Variants in CYP4V2 observed in about 807,000 individuals in gnomAD.
The protein encoded by CYP4V2 is cytochrome P450 4V2.
Under a neutral mutation model 60.8 loss-of-function variants are expected in CYP4V2, and 55 were observed. The observed-to-expected ratio is 0.90, with a 90% CI of 0.73 to 1.13. The LOEUF is 1.13. Ranked by LOEUF, CYP4V2 falls within the 50% of genes most tolerant of loss-of-function variation. The pLI is 0.00. For synonymous variants in CYP4V2, 239 were observed against 236.8 expected (o/e 1.01, Z -0.08); for missense variants, 675 against 662.9 (o/e 1.02, Z -0.20).
chr4:186,205,368 G>GTA, intron 8 of CYP4V2, 66 bp downstream of exon 8: 1 of 1,429,728 alleles, frequency 7.0e-7, no homozygotes, highest in Non-Finnish European at 9.9e-7. Flanking sequence ...TCACTGTGTT[G>GTA]TAAACACAGT....
At chr4:186,196,584 A>G (rs1736152351) in intron 3 of CYP4V2, 1 of 306,338 alleles carries the variant, frequency 3.3e-6, no homozygotes, top group African/African-American at 2.2e-5. Context: ...ATGGAGTGTG[A>G]GGATCATCTG....
At chr4:186,207,574 AAATAATT>A (rs1464516104) in intron 8 of CYP4V2, among the ~76,000 whole-genome samples, 13 of 124,582 alleles carry the variant, frequency 1.0e-4, no homozygotes, top group Non-Finnish European at 2.1e-4. Flanking sequence ...TAAAAATATT[AAATAATT>A]AATAATTAAT....
chr4:186,192,669 G>C (rs1368478000), intron 1 of CYP4V2, among the ~76,000 whole-genome samples: 1 of 152,192 alleles, frequency 6.6e-6, no homozygotes, highest in African/African-American at 2.4e-5. Context: ...TTTTAAAACA[G>C]AGATGGACAT....
In CYP4V2 at chr4:186,210,350, G is replaced by A. The variant is rs2102575; in HGVS notation, c.1406-119G>A. 1,152,554 of 1,291,716 alleles carry A rather than the reference G, an allele frequency of 0.89. 514,528 individuals carry two copies. The highest frequency in any genetic ancestry group is 0.94 in the East Asian group (40,687 of 43,250). 80.0% of individuals were successfully genotyped at this position (1,291,716 alleles called of 1,614,324 possible). On this transcript the variant is annotated intron_variant, in intron 10 of 10. Transcript: ENST00000378802. The stretch of plus-strand genomic sequence containing the variant: ...TTAACAGGTGTTCCAAGCCATTCTG[G>A]TTCTCCTTCCACCTACTGCGAAAAT...
rs1448121682 is a variant in CYP4V2, at chr4:186,197,192, A to G, written c.604+62A>G. 30 of 1,586,718 alleles carry G rather than the reference A, an allele frequency of 1.9e-5. No homozygotes were observed. The East Asian group carries it at 6.0e-4, about 32-fold the overall frequency. On this transcript the variant is annotated intron_variant, in intron 4 of 10. Transcript: ENST00000378802. The stretch of plus-strand genomic sequence containing the variant: ...AAAGAGAAAATGGCCCAAACAGGAA[A>G]TCACACTCCACCGGGAAGGCAAATG...
At chr4:186,209,294 T>G (rs2126601690) in intron 10 of CYP4V2, 22 bp downstream of exon 10, 3 of 1,613,876 alleles carry the variant, frequency 1.9e-6, no homozygotes, top group Middle Eastern at 3.3e-4. Flanking sequence ...TCTGAATTGG[T>G]TTGACCTTTC....
At chr4:186,197,889 GT>G (rs1281955191) in intron 5 of CYP4V2, among the ~76,000 whole-genome samples, 1 of 152,136 alleles carries the variant, frequency 6.6e-6, no homozygotes, top group East Asian at 1.9e-4. Context: ...GATATAAACA[GT>G]TTTCTGTACC....
chr4:186,202,086 A>T (rs1170059203), intron 7 of CYP4V2: 10 of 152,256 alleles, frequency 6.6e-5, no homozygotes, highest in Non-Finnish European at 1.3e-4. Flanking sequence ...GTGAGGCTCC[A>T]CGACACGGTA....
intron 7 of CYP4V2, chr4:186,203,100 ACT>A (rs1331523334): frequency 6.6e-6 from 1 of 152,120 alleles, no homozygotes; most frequent in African/African-American, 2.4e-5. Context: ...AGCTATGTAC[ACT>A]CGTGTACATA....
chr4:186,210,567 GA>G lies in CYP4V2; in HGVS notation c.1506del (p.Gly503AspfsTer3). 6.2e-7 allele frequency: 1 copy of G among 1,614,206 alleles called. No homozygotes were observed. Among genetic ancestry groups the G allele is most frequent in the Non-Finnish European group, 8.5e-7 (1 of 1,180,028 alleles). On this transcript the variant is annotated frameshift_variant, in exon 11 of 11. Transcript: ENST00000378802. LOFTEE classifies it high-confidence loss of function. ...CCAGAAAAGAGAAGAGCTTGGTCTAGAAGGACAGTTGATTCTTCGTCCAAGT... is the reference window on the plus strand; with the variant it reads ...CCAGAAAAGAGAAGAGCTTGGTCTAGAGGACAGTTGATTCTTCGTCCAAGT... ...SNQKREELGL[E>X]GQLILRPSNG...
intron 8 of CYP4V2, among the ~76,000 whole-genome samples, chr4:186,205,955 A>C (rs1439756628): frequency 1.3e-5 from 2 of 152,166 alleles, no homozygotes; most frequent in Non-Finnish European, 2.9e-5. Flanking sequence ...ATCCACAGAC[A>C]GGGAGGTTCA....
chr4:186,201,527 C>T (rs1422422514), intron 7 of CYP4V2, 185 bp downstream of exon 7: 1 of 653,502 alleles, frequency 1.5e-6, no homozygotes. Flanking sequence ...CTTCAGAAAA[C>T]GATTTTGACT....
chr4:186,206,375 T>C (rs1736507089), intron 8 of CYP4V2, among the ~76,000 whole-genome samples: 1 of 152,182 alleles, frequency 6.6e-6, no homozygotes, highest in African/African-American at 2.4e-5. Flanking sequence ...GGGTAACATT[T>C]ACAGATTGCA....
intron 4 of CYP4V2, 152 bp from the exon 5 acceptor site, chr4:186,197,381 G>A (rs370835824): frequency 3.8e-5 from 35 of 910,324 alleles, no homozygotes; most frequent in South Asian, 1.5e-4. Context: ...GAAGTGGACC[G>A]TACAAGAGAA....
At position 186,209,074 on chromosome 4, in the gene CYP4V2, A is replaced by G. The variant is rs752186664; in HGVS notation, c.1226-19A>G. The stretch of plus-strand genomic sequence containing the variant: ...CTACCTTGCTCCGGTCTCATAATGT[A>G]TTGACTACTTCTTGACAGCAGGTTA... On this transcript the variant is annotated intron_variant, in intron 9 of 10. Transcript: ENST00000378802. 1 of 1,614,104 alleles carries G rather than the reference A, an allele frequency of 6.2e-7. No homozygotes were observed. The highest frequency in any genetic ancestry group is 1.1e-5 in the South Asian group (1 of 91,076).
chr4:186,193,064 G>A (rs919389325), intron 1 of CYP4V2, among the ~76,000 whole-genome samples: 4 of 152,136 alleles, frequency 2.6e-5, no homozygotes, highest in African/African-American at 9.7e-5. Flanking sequence ...AAAAAATCAA[G>A]CGAACTCTTT....
chr4:186,209,871 TA>T (rs1218366636), intron 10 of CYP4V2, among the ~76,000 whole-genome samples: 3 of 152,262 alleles, frequency 2.0e-5, no homozygotes, highest in Admixed American at 6.5e-5. Context: ...TGTAGAGTTT[TA>T]ATTACAGTAG....
chr4:186,196,580 T>G, intron 3 of CYP4V2: 2 of 295,698 alleles, frequency 6.8e-6, no homozygotes, highest in South Asian at 3.9e-5. Context: ...AACCATGGAG[T>G]GTGAGGATCA....
chr4:186,197,384 CAAGAG>C, intron 4 of CYP4V2, 144 bp from the exon 5 acceptor site: 1 of 924,998 alleles, frequency 1.1e-6, no homozygotes, highest in Non-Finnish European at 1.7e-6. Context: ...GTGGACCGTA[CAAGAG>C]AAGAGGGTAA....
Sources: allele counts gnomAD v4.1 joint callset (sites outside exome capture counted in the v4.1 genomes callset), GRCh38; gene constraint gnomAD v4.1.1; transcripts MANE v1.5; gene names NCBI Gene and HGNC (gene_info 2026-07-23, HGNC 2026-07-21).